DST: variants seen among roughly 807,000 people sequenced by gnomAD.
DST encodes the protein dystonin.
DST carries 253 observed loss-of-function variants against 875.2 expected under a neutral mutation model. The observed-to-expected ratio is 0.29, with a 90% CI of 0.26 to 0.32. The LOEUF (loss-of-function observed/expected upper bound fraction) is 0.32, where lower values mean the gene tolerates loss of function less well. Ranked by LOEUF, DST falls within the 10% of genes least tolerant of loss-of-function variation. DST has a pLI of 1.00. For synonymous variants in DST, 3,124 were observed against 3,197.1 expected, an observed-to-expected ratio of 0.98 and a Z score of 0.77; for missense variants, 8,287 against 9,111.6, an observed-to-expected ratio of 0.91 and a Z score of 3.68.
intron 75 of DST, 77 bp from the exon 76 acceptor site, chr6:56,506,866 A>C: frequency 5.9e-6 from 8 of 1,364,010 alleles, no homozygotes; most frequent in African/African-American, 1.5e-5. Context: ...AACAATATCA[A>C]TGGTAGTTAT....
rs2098489873 is a variant in DST, at chr6:56,605,768, T to C, written c.8860A>G (p.Thr2954Ala). 1.2e-6 allele frequency: 2 copies of C among 1,612,724 alleles called. No homozygotes were observed. Among genetic ancestry groups the C allele is most frequent in the African/African-American group, 1.3e-5 (1 of 74,992 alleles). Residue 2954 changes from threonine to alanine, a missense_variant, in exon 40 of 104, where the codon ACT becomes GCT. Physicochemically the swap from Thr to Ala is moderately conservative, Grantham distance 58. Around this residue, in one of 10 missense-constraint regions of DST, gnomAD observed 3,138 missense variants for 3,116.6 expected, o/e 1.01. Coordinates refer to ENST00000680361, the MANE Select transcript of DST (RefSeq NM_001374736.1). ...TTAACCTTTGTGTTTGCTAGATCAG[T>C]ACCTAATTCAGAAGTTGAACTGATA... Reference protein sequence around the residue: ...NNISSTSELGTDLANTKVKLI... With the variant: ...NNISSTSELGADLANTKVKLI...
Position 56,594,165 on chromosome 6 carries a change from T to A in DST, c.12224A>T (p.His4075Leu). Reference protein sequence around the residue: ...KAQHEKIISQHQAVIIATQSA... With the variant: ...KAQHEKIISQLQAVIIATQSA... ...CTGAGTGGCTATGATCACTGCTTGG[T>A]GCTGAGAGATGATCTTCTCGTGTTG... Residue 4075 changes from histidine (H) to leucine (L), a missense_variant, in exon 48 of 104, where the codon CAC (histidine) becomes CTC (leucine). Physicochemically the swap from His to Leu is moderately conservative, Grantham distance 99. This residue lies in a region of DST where 1,513 missense variants were observed against 1,677.8 expected (regional missense o/e 0.90). Transcript: ENST00000680361. 1 of 1,541,520 alleles carries A rather than the reference T, an allele frequency of 6.5e-7. No individual in the cohort carries two copies. The highest frequency in any genetic ancestry group is 8.7e-7 in the Non-Finnish European group (1 of 1,150,070).
intron 49 of DST, among the ~76,000 whole-genome samples, chr6:56,583,422 T>C (rs1377787940): frequency 6.6e-6 from 1 of 152,198 alleles, no homozygotes; most frequent in East Asian, 1.9e-4. Context: ...TCATATCCTT[T>C]GCCCACTTTT....
intron 55 of DST, among the ~76,000 whole-genome samples, chr6:56,566,327 G>A (rs1046007757): frequency 3.3e-5 from 5 of 152,206 alleles, no homozygotes; most frequent in Non-Finnish European, 7.3e-5. Flanking sequence ...CCCTGGTGGT[G>A]CAGGCACCCG....
intron 63 of DST, among the ~76,000 whole-genome samples, chr6:56,533,142 T>C (rs2096926626): frequency 6.6e-6 from 1 of 152,176 alleles, no homozygotes; most frequent in Non-Finnish European, 1.5e-5. Context: ...GTCAGAAATC[T>C]CCAAAGCTGG....
chr6:56,909,220 T>C lies in DST; in HGVS notation c.217-8599A>G, dbSNP rs532785785. Among the ~76,000 whole-genome samples the C allele has an allele frequency of 3.9e-5, 6 of 152,308 alleles. No individual in the cohort carries two copies. In the South Asian group the frequency reaches 1.2e-3, roughly 32 times the overall value. ...ATAACTTATATTTCAATGTAATTGG[T>C]TTCTTTCATAGTTCTGTCTTTTATC... On this transcript the variant is annotated intron_variant, in intron 2 of 103. Coordinates refer to ENST00000680361, the MANE Select transcript of DST (RefSeq NM_001374736.1).
intron 4 of DST, among the ~76,000 whole-genome samples, chr6:56,756,555 G>A (rs1257545215): frequency 1.3e-5 from 2 of 152,172 alleles, no homozygotes; most frequent in African/African-American, 2.4e-5. Context: ...GGATAAAGAC[G>A]CTGGCAGGAA....
At chr6:56,689,986 C>T (rs758315704) in intron 9 of DST, among the ~76,000 whole-genome samples, 1 of 152,152 alleles carries the variant, frequency 6.6e-6, no homozygotes, top group Non-Finnish European at 1.5e-5. Flanking sequence ...AAGGTACAAA[C>T]ACTAAGTTCA....
At chr6:56,910,111 T>G (rs115785830) in intron 2 of DST, among the ~76,000 whole-genome samples, 1,876 of 152,220 alleles carry the variant, frequency 0.012, 35 homozygotes, top group East Asian at 0.039. Context: ...GTCCCTGGAG[T>G]TATGATGACA....
intron 77 of DST, among the ~76,000 whole-genome samples, chr6:56,504,681 A>T (rs538482356): frequency 6.6e-6 from 1 of 151,972 alleles, no homozygotes; most frequent in East Asian, 1.9e-4. Flanking sequence ...CTCAAGTCAC[A>T]TTTTTTTTAG....
At chr6:56,871,169 T>A (rs1049316654) in intron 3 of DST, 2 of 710,324 alleles carry the variant, frequency 2.8e-6, no homozygotes, top group Non-Finnish European at 5.2e-6. Context: ...TTCCCCTAAG[T>A]GGCCTGAGGT....
intron 2 of DST, among the ~76,000 whole-genome samples, chr6:56,918,997 AT>A (rs922907284): frequency 6.6e-5 from 10 of 151,876 alleles, no homozygotes; most frequent in Middle Eastern, 3.4e-3. Flanking sequence ...TTTATAAGCC[AT>A]TTTTTTCTCC....
chr6:56,609,371 G>T (rs1382927771), intron 39 of DST, 27 bp from the exon 40 acceptor site: 4 of 1,536,498 alleles, frequency 2.6e-6, no homozygotes, highest in African/African-American at 2.8e-5. Flanking sequence ...AAAATCTCAG[G>T]TCACTCTGTT....
chr6:56,528,227 A>G (rs7762629), intron 67 of DST, among the ~76,000 whole-genome samples: 120,234 of 152,110 alleles, frequency 0.79, 48,035 homozygotes, highest in African/African-American at 0.89. Context: ...CAGACTTCTA[A>G]CTAAAGGCTC....
chr6:56,916,765 C>CAA (rs1437486936), intron 2 of DST, among the ~76,000 whole-genome samples: 2 of 97,524 alleles, frequency 2.1e-5, no homozygotes, highest in Non-Finnish European at 2.0e-5. Context: ...CTCTCTCTCT[C>CAA]TCTCTCTCTC....
chr6:56,469,000 C>A lies in DST; in HGVS notation c.22552-1G>T. Reference sequence around the variant, plus strand: ...TTTATACCTGATTTCCCAGGAAGAACTGATAAAAATGAAAAATGGAAGAAA... The same window carrying A: ...TTTATACCTGATTTCCCAGGAAGAAATGATAAAAATGAAAAATGGAAGAAA... On this transcript the variant is annotated splice_acceptor_variant, in intron 97 of 103. Coordinates refer to ENST00000680361, the MANE Select transcript of DST (RefSeq NM_001374736.1). LOFTEE classifies it high-confidence loss of function. 6.3e-7 allele frequency: 1 copy of A among 1,577,044 alleles called. No individual in the cohort carries two copies. Among genetic ancestry groups the A allele is most frequent in the African/African-American group, 1.3e-5 (1 of 74,180 alleles).
At chr6:56,775,107 A>C (rs1233999988) in intron 4 of DST, among the ~76,000 whole-genome samples, 4 of 152,114 alleles carry the variant, frequency 2.6e-5, no homozygotes, top group Admixed American at 1.3e-4. Context: ...ATAAGTTTTG[A>C]GGGGAATTTT....
chr6:56,923,777 T>C (rs979515633), intron 2 of DST, among the ~76,000 whole-genome samples: 7 of 152,170 alleles, frequency 4.6e-5, no homozygotes, highest in Non-Finnish European at 8.8e-5. Context: ...ACCCACATTA[T>C]GGAAGGCAGT....
intron 61 of DST, among the ~76,000 whole-genome samples, chr6:56,543,306 C>A (rs1043925339): frequency 6.6e-6 from 1 of 152,166 alleles, no homozygotes; most frequent in African/African-American, 2.4e-5. Flanking sequence ...GAGTGTTTTG[C>A]CGTTCCCTTT....
Sources: allele counts gnomAD v4.1 joint callset (sites outside exome capture counted in the v4.1 genomes callset), GRCh38; gene constraint gnomAD v4.1.1; regional missense constraint gnomAD v4.1.1; transcripts MANE v1.5; gene names NCBI Gene and HGNC (gene_info 2026-07-23, HGNC 2026-07-21).